The following RRAGB variants were observed in gnomAD, a reference collection of about 807,000 sequenced individuals.
RRAGB encodes the protein Ras related GTP binding B.
RRAGB carries 6 observed loss-of-function variants against 29.3 expected under a neutral mutation model. That is an observed-to-expected ratio of 0.21 (90% CI 0.11 to 0.40). The LOEUF (loss-of-function observed/expected upper bound fraction) is 0.40. Among genes scored for constraint, RRAGB ranks in the 10% least tolerant of loss-of-function variants. The pLI is 1.00. For synonymous variants in RRAGB, 101 were observed against 92.5 expected (o/e 1.09, Z -0.53); for missense variants, 184 against 272.9 (o/e 0.67, Z 2.29).
intron 8 of RRAGB, among the ~76,000 whole-genome samples, chrX:55,756,249 T>G (rs1292469581): frequency 1.8e-5 from 2 of 112,151 alleles, no homozygotes; most frequent in Non-Finnish European, 3.8e-5. Flanking sequence ...GAATTTGCCT[T>G]ACTGAATACC....
chrX:55,750,505 T>C (rs190522416), intron 5 of RRAGB, among the ~76,000 whole-genome samples: 6 of 111,572 alleles, frequency 5.4e-5, no homozygotes, highest in African/African-American at 1.6e-4. Flanking sequence ...CTGTTTCAAA[T>C]GTTAATCTTA....
At chrX:55,718,503 C>A in intron 1 of RRAGB, 84 bp downstream of exon 1, 1 of 543,256 alleles carries the variant, frequency 1.8e-6, no homozygotes, top group Non-Finnish European at 2.9e-6. Context: ...TTCTCCCCAC[C>A]CCGCACCATG....
At chrX:55,722,373 C>A in intron 3 of RRAGB, 88 bp downstream of exon 3, 1 of 585,131 alleles carries the variant, frequency 1.7e-6, no homozygotes, top group Non-Finnish European at 2.7e-6. Context: ...CTTGGGGATG[C>A]AGAGAGGTTG....
intron 3 of RRAGB, 24 bp from the exon 4 acceptor site, chrX:55,729,270 A>G: frequency 9.1e-7 from 1 of 1,096,093 alleles, no homozygotes; most frequent in Non-Finnish European, 1.3e-6. Context: ...TATAATTACT[A>G]GATTTGTCAT....
intron 5 of RRAGB, among the ~76,000 whole-genome samples, chrX:55,734,352 G>T (rs1324010925): frequency 1.8e-5 from 2 of 108,591 alleles, no homozygotes; most frequent in South Asian, 8.1e-4. Flanking sequence ...ATTGAAGCTT[G>T]TGTGGTTGTA....
At chrX:55,750,724 T>C (rs368515675) in intron 5 of RRAGB, among the ~76,000 whole-genome samples, 1 of 112,040 alleles carries the variant, frequency 8.9e-6, no homozygotes, top group Non-Finnish European at 1.9e-5. Context: ...GAGAAAGATA[T>C]ATACAAGGGT....
chrX:55,728,788 G>A (rs1322098179), intron 3 of RRAGB, among the ~76,000 whole-genome samples: 1 of 110,775 alleles, frequency 9.0e-6, no homozygotes, highest in Non-Finnish European at 1.9e-5. Context: ...ATTTGAGAGA[G>A]ATTACAAAGG....
chrX:55,730,529 C>T (rs1270468613), intron 4 of RRAGB, among the ~76,000 whole-genome samples: 1 of 111,896 alleles, frequency 8.9e-6, no homozygotes, highest in Non-Finnish European at 1.9e-5. Context: ...TCTCCTACTA[C>T]CGGATGCTAC....
intron 5 of RRAGB, among the ~76,000 whole-genome samples, chrX:55,746,281 C>A (rs1217803913): frequency 8.9e-6 from 1 of 111,934 alleles, no homozygotes; most frequent in Non-Finnish European, 1.9e-5. Flanking sequence ...AATTAGTAGA[C>A]TTCCCATCCA....
intron 6 of RRAGB, among the ~76,000 whole-genome samples, chrX:55,752,661 C>A (rs990940374): frequency 9.0e-6 from 1 of 111,459 alleles, no homozygotes; most frequent in African/African-American, 3.3e-5. Context: ...GTACACCTTA[C>A]CAGACAAATT....
At chrX:55,718,804 TG>T (rs1696782466) in intron 1 of RRAGB, among the ~76,000 whole-genome samples, 2 of 111,593 alleles carry the variant, frequency 1.8e-5, no homozygotes, top group African/African-American at 6.5e-5. Flanking sequence ...TACCTGAATT[TG>T]AGACTTACAT....
At chrX:55,720,452 T>G (rs1475680927) in intron 2 of RRAGB, among the ~76,000 whole-genome samples, 1 of 112,261 alleles carries the variant, frequency 8.9e-6, no homozygotes, top group Non-Finnish European at 1.9e-5. Flanking sequence ...AGTCTGAGTG[T>G]AGTATATTTT....
rs1279793252 is a variant in RRAGB at position 55,751,086 on chromosome X, G to A, written c.517-15G>A. 9.6e-7 allele frequency: 1 copy of A among 1,043,222 alleles called. No individual in the cohort carries two copies. Among genetic ancestry groups the A allele is most frequent in the Non-Finnish European group, 1.3e-6 (1 of 745,949 alleles). The allele number at this position is 1,043,222 out of a possible 1,213,427, so 86.0% of individuals were successfully genotyped here. On this transcript the variant is annotated splice_polypyrimidine_tract_variant and intron_variant, in intron 5 of 9. Coordinates refer to ENST00000374941, the MANE Select transcript of RRAGB (RefSeq NM_006064.5). ...CTATTATATGCTGATCAGTATGTTG[G>A]GCTTTTTAATTTAGATTTTTAAAGA... is the stretch of plus-strand genomic sequence containing the variant.
At chrX:55,723,138 GA>G (rs1485665313) in intron 3 of RRAGB, among the ~76,000 whole-genome samples, 2 of 111,352 alleles carry the variant, frequency 1.8e-5, no homozygotes, top group Non-Finnish European at 3.8e-5. Context: ...TTGTTGTCTA[GA>G]AAGCTGTTTC....
chrX:55,738,118 G>C (rs189860573), intron 5 of RRAGB, among the ~76,000 whole-genome samples: 41 of 112,794 alleles, frequency 3.6e-4, no homozygotes, highest in African/African-American at 1.2e-3. Context: ...CCAGCTTCTT[G>C]TTACTTTCTT....
rs1209228582 is a variant in RRAGB at position 55,719,361 on chromosome X, G to T, written c.126+14G>T. The T allele has an allele frequency of 8.6e-7, 1 of 1,158,232 alleles. No individual in the cohort carries two copies. The highest frequency in any genetic ancestry group is 1.8e-5 in the African/African-American group (1 of 55,738). On this transcript the variant is annotated intron_variant, in intron 2 of 9. Transcript: ENST00000374941. ...ATGAAGAAAAAGGTAAGACGTGTTAGATACGTCAAAACCATGAAGGTAAAG... is the reference window on the plus strand; with the variant it reads ...ATGAAGAAAAAGGTAAGACGTGTTATATACGTCAAAACCATGAAGGTAAAG...
chrX:55,729,688 C>T (rs771713098), intron 4 of RRAGB, among the ~76,000 whole-genome samples: 1 of 111,785 alleles, frequency 8.9e-6, no homozygotes, highest in Non-Finnish European at 1.9e-5. Flanking sequence ...GCTGTCACAC[C>T]ATACTACTTT....
Position 55,722,268 on chromosome X carries a change from G to A in RRAGB, c.209G>A (p.Arg70His). The A allele has an allele frequency of 1.7e-6, 2 of 1,182,504 alleles. No homozygotes were observed. Among genetic ancestry groups the A allele is most frequent in the African/African-American group, 1.7e-5 (1 of 57,426 alleles). ...GCAAATTATATTGCCAGAGACACAC[G>A]TCGCCTTGGCGCAACAAGTAAGATG... ...IFANYIARDT[R>H]RLGATIDVEH... The change falls in exon 3 of 10, where the codon CGT becomes CAT. Residue 70 changes from arginine (R) to histidine (H), a missense_variant. Arg to His is a conservative substitution (Grantham distance 29). Transcript: ENST00000374941.
At chrX:55,729,602 G>A (rs757187341) in intron 4 of RRAGB, among the ~76,000 whole-genome samples, 5 of 111,494 alleles carry the variant, frequency 4.5e-5, no homozygotes, top group Non-Finnish European at 7.5e-5. Flanking sequence ...TGTAGTTTGG[G>A]ATAGATTATC....
Sources: allele counts gnomAD v4.1 joint callset (sites outside exome capture counted in the v4.1 genomes callset), GRCh38; gene constraint gnomAD v4.1.1; transcripts MANE v1.5; gene names NCBI Gene and HGNC (gene_info 2026-07-23, HGNC 2026-07-21).